Variants in HERC5 observed in about 807,000 individuals in gnomAD.
HERC5 encodes the protein HECT and RLD domain containing E3 ubiquitin protein ligase 5, also known as E3 ISG15--protein ligase HERC5.
A neutral mutation model predicts 119.6 loss-of-function variants in HERC5; 99 were observed. The ratio of observed to expected loss-of-function variants is 0.83; its 90% CI spans 0.70 to 0.98. HERC5 has a LOEUF of 0.98. Ranked by LOEUF, HERC5 falls within the 50% of genes least tolerant of loss-of-function variation. HERC5 has a pLI of 0.00. For synonymous variants in HERC5, 478 were observed against 445.9 expected (o/e 1.07, Z -0.91); for missense variants, 1,267 against 1,241.3 (o/e 1.02, Z -0.31).
At chr4:88,485,076 A>G (rs933530982) in intron 13 of HERC5, among the ~76,000 whole-genome samples, 35 of 152,098 alleles carry the variant, frequency 2.3e-4, no homozygotes, top group African/African-American at 7.7e-4. Flanking sequence ...TTAATGAAAA[A>G]TAATTTGTGT....
intron 16 of HERC5, among the ~76,000 whole-genome samples, chr4:88,491,750 G>A (rs1006085821): frequency 1.3e-5 from 2 of 152,100 alleles, no homozygotes; most frequent in African/African-American, 4.8e-5. Flanking sequence ...GTTTGTATTG[G>A]AGACAATGTG....
At chr4:88,494,352 A>G in intron 18 of HERC5, 21 bp downstream of exon 18, 2 of 1,599,334 alleles carry the variant, frequency 1.3e-6, no homozygotes, top group Non-Finnish European at 1.7e-6. Context: ...AGAGTTCCTG[A>G]GAAAGGACCC....
chr4:88,500,781 C>T (rs1741924102), intron 19 of HERC5, 134 bp from the exon 20 acceptor site: 12 of 681,992 alleles, frequency 1.8e-5, no homozygotes, highest in South Asian at 6.4e-5. Context: ...TTGTACATTC[C>T]TTGCTAGCTT....
intron 12 of HERC5, among the ~76,000 whole-genome samples, chr4:88,477,419 G>A (rs1408819383): frequency 9.2e-4 from 71 of 77,024 alleles, no homozygotes; most frequent in Middle Eastern, 5.6e-3. Context: ...GAAGGGGAAG[G>A]TGAAGGGAAG....
chr4:88,504,100 A>C (rs1194212347), intron 20 of HERC5, 132 bp from the exon 21 acceptor site: 1 of 521,626 alleles, frequency 1.9e-6, no homozygotes, highest in Non-Finnish European at 3.3e-6. Flanking sequence ...GATAATCTCT[A>C]GTAACTATGA....
intron 15 of HERC5, 110 bp downstream of exon 15, chr4:88,487,289 TTGTGGCA>T: frequency 1.7e-6 from 1 of 598,730 alleles, no homozygotes; most frequent in Non-Finnish European, 3.0e-6. Flanking sequence ...AAACCAATGG[TTGTGGCA>T]TTCAAGGAGC....
chr4:88,498,091 C>T (rs1482398345), intron 18 of HERC5, among the ~76,000 whole-genome samples: 1 of 152,190 alleles, frequency 6.6e-6, no homozygotes, highest in Non-Finnish European at 1.5e-5. Flanking sequence ...AGTGCACAAG[C>T]TGTGGGGCCT....
At chr4:88,475,718 A>G (rs1422104196) in intron 11 of HERC5, 123 bp from the exon 12 acceptor site, 8 of 826,142 alleles carry the variant, frequency 9.7e-6, no homozygotes, top group Middle Eastern at 2.3e-4. Context: ...AGAAAACTCA[A>G]TGATTATTCT....
chr4:88,483,805 C>A (rs1465930498), intron 13 of HERC5, among the ~76,000 whole-genome samples: 1 of 152,216 alleles, frequency 6.6e-6, no homozygotes, highest in Non-Finnish European at 1.5e-5. Context: ...GCTGGGATTA[C>A]AGGCATGAGC....
At position 88,504,435 on chromosome 4, in the gene HERC5, T is replaced by C. The variant is rs1241295774; in HGVS notation, c.2766+20T>C. ...GAAAAGGTACATCATCAAGTCTAAG[T>C]TGATTAAATTCAGTTTTCCTTCCTA... is the stretch of plus-strand genomic sequence containing the variant. On this transcript the variant is annotated intron_variant, in intron 21 of 22. Transcript: ENST00000264350. The C allele has an allele frequency of 6.4e-7, 1 of 1,573,628 alleles. No homozygotes were observed.
chr4:88,463,722 T>A (rs945999945), intron 5 of HERC5, 99 bp downstream of exon 5: 83 of 1,360,714 alleles, frequency 6.1e-5, no homozygotes, highest in Non-Finnish European at 8.5e-5. Context: ...ACTTCCTGTA[T>A]GTAGGACTGT....
chr4:88,458,560 A>G (rs1274699562), intron 1 of HERC5, among the ~76,000 whole-genome samples: 1 of 152,136 alleles, frequency 6.6e-6, no homozygotes. Context: ...AGACTCTTTA[A>G]AAGAAACCGT....
chr4:88,477,851 TAAA>T (rs1422037029), intron 12 of HERC5, among the ~76,000 whole-genome samples: 1 of 152,238 alleles, frequency 6.6e-6, no homozygotes, highest in East Asian at 1.9e-4. Flanking sequence ...AAAGCTACTT[TAAA>T]ATGGTTTTTG....
intron 6 of HERC5, among the ~76,000 whole-genome samples, chr4:88,466,582 A>G (rs750051380): frequency 5.3e-5 from 8 of 152,214 alleles, no homozygotes; most frequent in Non-Finnish European, 1.2e-4. Flanking sequence ...CCTCCTAGGA[A>G]CAGGGCACCA....
rs778841083 is a variant in HERC5 at position 88,467,164 on chromosome 4, G to A, written c.1017G>A (p.Pro339=). ...GNGGTRDQLM[P]LPVKVSSSEE... is the part of the protein sequence containing the mutation. ...GTGGAACACGTGACCAGCTGATGCC[G>A]CTTCCAGTGAAAGTATCATCAAGTG... The change falls in exon 7 of 23, where the codon CCG becomes CCA. Residue 339 remains proline, a synonymous_variant. Coordinates refer to ENST00000264350, the MANE Select transcript of HERC5 (RefSeq NM_016323.4). 6.2e-6 allele frequency: 10 copies of A among 1,614,038 alleles called. No homozygotes were observed. The highest frequency in any genetic ancestry group is 2.2e-5 in the East Asian group (1 of 44,892).
chr4:88,497,662 C>T (rs1444807894), intron 18 of HERC5, among the ~76,000 whole-genome samples: 1 of 152,082 alleles, frequency 6.6e-6, no homozygotes, highest in African/African-American at 2.4e-5. Flanking sequence ...AGAAAAAAAG[C>T]CAAACTTAAA....
intron 20 of HERC5, 31 bp downstream of exon 20, chr4:88,501,016 T>C (rs1404191518): frequency 7.0e-7 from 1 of 1,437,866 alleles, no homozygotes; most frequent in African/African-American, 1.4e-5. Flanking sequence ...AGTTGGTTTG[T>C]ATATGTACTA....
At chr4:88,485,119 T>A (rs1741411933) in intron 13 of HERC5, among the ~76,000 whole-genome samples, 1 of 152,114 alleles carries the variant, frequency 6.6e-6, no homozygotes, top group Non-Finnish European at 1.5e-5. Flanking sequence ...TGAAGAGCTC[T>A]GGGAAGGTAT....
rs753052752 is a variant in HERC5 at position 88,467,206 on chromosome 4, TA to T, written c.1057+5del. 16 of 1,613,928 alleles carry T rather than the reference TA, an allele frequency of 9.9e-6. No individual in the cohort carries two copies. The Middle Eastern group carries it at 4.9e-4, about 50-fold the overall frequency. On this transcript the variant is annotated splice_donor_region_variant and intron_variant, in intron 7 of 22. Coordinates refer to ENST00000264350, the MANE Select transcript of HERC5 (RefSeq NM_016323.4). ...CATCAAGTGAAGAACTCAAACTTGGTAAATTCTATAGGAACATAGGGTTTGG... is the reference window on the plus strand; with the variant it reads ...CATCAAGTGAAGAACTCAAACTTGGTAATTCTATAGGAACATAGGGTTTGG...
Sources: gnomAD v4.1 joint callset for allele counts (sites outside exome capture counted in the v4.1 genomes callset) on GRCh38, gnomAD v4.1.1 for gene constraint, MANE v1.5 for transcripts, NCBI Gene and HGNC (gene_info 2026-07-23, HGNC 2026-07-21) for gene names.